COL24A1: variants seen among roughly 807,000 people sequenced by gnomAD.
COL24A1 encodes collagen alpha-1(XXIV) chain.
Under a neutral mutation model 253.9 loss-of-function variants are expected in COL24A1, and 224 were observed. The observed-to-expected ratio is 0.88, with a 90% CI of 0.79 to 0.99. The LOEUF (loss-of-function observed/expected upper bound fraction) is 0.99. Among genes scored for constraint, COL24A1 ranks in the 50% least tolerant of loss-of-function variants. COL24A1 has a pLI of 0.00. For synonymous variants in COL24A1, 685 were observed against 673.7 expected, an observed-to-expected ratio of 1.02 and a Z score of -0.26; for missense variants, 2,131 against 2,068.5, an observed-to-expected ratio of 1.03 and a Z score of -0.59.
intron 20 of COL24A1, among the ~76,000 whole-genome samples, chr1:85,974,547 T>C (rs1218071498): frequency 1.3e-5 from 2 of 152,102 alleles, no homozygotes; most frequent in African/African-American, 4.8e-5. Flanking sequence ...TACCAGATAT[T>C]GTAGGAGTAT....
intron 2 of COL24A1, among the ~76,000 whole-genome samples, chr1:86,138,211 G>A (rs1282200381): frequency 1.3e-5 from 2 of 152,106 alleles, no homozygotes; most frequent in Admixed American, 6.6e-5. Context: ...ATTTTAATCT[G>A]TATTCTTAAC....
At chr1:85,932,875 G>A (rs1263697461) in intron 24 of COL24A1, among the ~76,000 whole-genome samples, 1 of 81,854 alleles carries the variant, frequency 1.2e-5, no homozygotes, top group African/African-American at 4.9e-5. Context: ...CTCATAGGTG[G>A]GAATTGAACA....
intron 22 of COL24A1, among the ~76,000 whole-genome samples, chr1:85,966,864 A>G (rs571367909): frequency 2.0e-5 from 3 of 152,278 alleles, no homozygotes; most frequent in Admixed American, 6.5e-5. Flanking sequence ...CTTTTGAGGA[A>G]TTTTACTGAA....
At position 86,125,000 on chromosome 1, in the gene COL24A1, C is replaced by A. The variant is rs753059218; in HGVS notation, c.1336G>T (p.Asp446Tyr). 1.9e-6 allele frequency: 3 copies of A among 1,613,100 alleles called. No homozygotes were observed. In the South Asian group the frequency reaches 3.3e-5, roughly 18 times the overall value. The change falls in exon 3 of 60, where the codon GAT (aspartate) becomes TAT (tyrosine). Residue 446 changes from aspartate (D) to tyrosine (Y), a missense_variant. Asp to Tyr is a radical substitution (Grantham distance 160). Coordinates refer to ENST00000370571, the MANE Select transcript of COL24A1 (RefSeq NM_152890.7). ...TNEPSVDNHL[D>Y]LRKEGEFYPD... is the part of the protein sequence containing the mutation. ...TAAAATTCACCTTCTTTCCTTAGAT[C>A]AAGGTGATTATCCACAGATGGCTCA...
chr1:85,830,391 C>T (rs1049799537), intron 43 of COL24A1, among the ~76,000 whole-genome samples: 4 of 152,124 alleles, frequency 2.6e-5, no homozygotes, highest in Non-Finnish European at 4.4e-5. Context: ...CTGTGCCCTG[C>T]CCCCAGAGGT....
At chr1:86,104,297 G>C (rs948580253) in intron 5 of COL24A1, among the ~76,000 whole-genome samples, 3 of 151,934 alleles carry the variant, frequency 2.0e-5, no homozygotes, top group Non-Finnish European at 4.4e-5. Context: ...GTGATTCTTA[G>C]CTTCCTTGGA....
chr1:85,786,424 C>T lies in COL24A1; in HGVS notation c.3989G>A (p.Gly1330Glu), dbSNP rs973508156. ...CTTTACTCCTGGAGGACCTGGAGCC[C>T]CAGCAAGACCTGTTCTTCCTGGGCC... ...RGGPGRTGLA[G>E]APGPPGVKGS... Residue 1330 changes from glycine (G) to glutamate (E), a missense_variant, in exon 48 of 60, where the codon GGG becomes GAG. Physicochemically the swap from Gly to Glu is moderately conservative, Grantham distance 98. Transcript: ENST00000370571. The T allele has an allele frequency of 2.2e-5, 36 of 1,613,484 alleles. No individual in the cohort carries two copies. The highest frequency in any genetic ancestry group is 2.7e-5 in the Non-Finnish European group (32 of 1,179,770).
At chr1:85,961,711 G>A (rs939098321) in intron 23 of COL24A1, among the ~76,000 whole-genome samples, 10 of 152,136 alleles carry the variant, frequency 6.6e-5, no homozygotes, top group Non-Finnish European at 2.9e-5. Context: ...TGACTGGGAG[G>A]CCTCAGGAAG....
intron 19 of COL24A1, among the ~76,000 whole-genome samples, chr1:86,016,354 C>T (rs1021230761): frequency 2.0e-5 from 3 of 152,218 alleles, no homozygotes; most frequent in African/African-American, 7.2e-5. Context: ...CTGCCTACTA[C>T]TCTGACACTA....
chr1:85,854,174 CT>C (rs1192533460), intron 37 of COL24A1, among the ~76,000 whole-genome samples: 1 of 152,184 alleles, frequency 6.6e-6, no homozygotes, highest in East Asian at 1.9e-4. Flanking sequence ...CTTCAATCTT[CT>C]GCATATGGCT....
At chr1:85,867,744 T>C (rs374821696) in intron 37 of COL24A1, among the ~76,000 whole-genome samples, 1 of 152,220 alleles carries the variant, frequency 6.6e-6, no homozygotes, top group South Asian at 2.1e-4. Flanking sequence ...TCTCTCAGTC[T>C]GTCTCTCTCT....
At chr1:86,072,307 GC>G (rs1474604965) in intron 7 of COL24A1, among the ~76,000 whole-genome samples, 2 of 152,186 alleles carry the variant, frequency 1.3e-5, no homozygotes, top group East Asian at 3.9e-4. Flanking sequence ...GACCTGGGAT[GC>G]TTGAGCTTGG....
chr1:85,889,720 C>T, intron 31 of COL24A1, 107 bp from the exon 32 acceptor site: 1 of 849,904 alleles, frequency 1.2e-6, no homozygotes, highest in African/African-American at 1.8e-5. Context: ...ACTTTTCTGT[C>T]TATTGCTATT....
Position 85,842,381 on chromosome 1 carries a change from A to T in COL24A1, c.3475T>A (p.Leu1159Met). ...GTRGAVGHLGLMGPDGEPGIP... is the reference protein window; with the variant it reads ...GTRGAVGHLGMMGPDGEPGIP... ...CCTGGTTCTCCATCAGGTCCCATCA[A>T]TCCTAAATGTCCCTGAAAAACAAAG... is the stretch of plus-strand genomic sequence containing the variant. Residue 1159 changes from leucine to methionine, a missense_variant, in exon 40 of 60, where the codon TTG becomes ATG. Transcript: ENST00000370571. The T allele has an allele frequency of 1.2e-6, 2 of 1,600,148 alleles. 1 individual carries two copies. The highest frequency in any genetic ancestry group is 2.3e-5 in the South Asian group (2 of 88,638).
At chr1:85,899,053 C>T (rs1684031737) in intron 28 of COL24A1, among the ~76,000 whole-genome samples, 1 of 152,160 alleles carries the variant, frequency 6.6e-6, no homozygotes, top group Non-Finnish European at 1.5e-5. Context: ...CAAAGGATGA[C>T]TCAAGTTTTA....
At chr1:85,770,308 G>GA (rs11406937) in intron 53 of COL24A1, among the ~76,000 whole-genome samples, 77,392 of 149,632 alleles carry the variant, frequency 0.52, 19,967 homozygotes, top group South Asian at 0.61. Flanking sequence ...CCTAAGATGA[G>GA]AAAAAAAAAA....
chr1:86,110,868 G>C (rs1451909369), intron 5 of COL24A1, among the ~76,000 whole-genome samples: 1 of 150,828 alleles, frequency 6.6e-6, no homozygotes, highest in Non-Finnish European at 1.5e-5. Flanking sequence ...CCTCCCCAGT[G>C]GGGGCTCCAC....
chr1:85,896,754 T>C (rs995326322), intron 28 of COL24A1, among the ~76,000 whole-genome samples: 2 of 152,192 alleles, frequency 1.3e-5, no homozygotes, highest in Non-Finnish European at 2.9e-5. Context: ...CGCCTCGGCC[T>C]CCCACAGTGC....
intron 47 of COL24A1, among the ~76,000 whole-genome samples, chr1:85,811,513 C>T (rs1211070398): frequency 6.6e-6 from 1 of 152,158 alleles, no homozygotes; most frequent in African/African-American, 2.4e-5. Flanking sequence ...TGAGGAACTA[C>T]CATACTGGTT....
Sources: allele counts gnomAD v4.1 joint callset (sites outside exome capture counted in the v4.1 genomes callset), GRCh38; gene constraint gnomAD v4.1.1; transcripts MANE v1.5; gene names NCBI Gene and HGNC (gene_info 2026-07-23, HGNC 2026-07-21).